TTC6: variants seen among roughly 807,000 people sequenced by gnomAD.
The protein encoded by TTC6 is tetratricopeptide repeat protein 6.
A neutral mutation model predicts 210.4 loss-of-function variants in TTC6; 172 were observed. That is an observed-to-expected ratio of 0.82 (90% CI 0.72 to 0.93). TTC6 has a LOEUF of 0.93. Ranked by LOEUF, TTC6 falls within the 40% of genes least tolerant of loss-of-function variation. The pLI, the probability that TTC6 is intolerant of heterozygous loss-of-function variation, is 0.00. For synonymous variants in TTC6, 804 were observed against 819.6 expected (o/e 0.98, Z 0.32); for missense variants, 2,414 against 2,318.1 (o/e 1.04, Z -0.85).
chr14:37,708,285 G>A (rs556464049), intron 5 of TTC6, among the ~76,000 whole-genome samples: 1 of 151,998 alleles, frequency 6.6e-6, no homozygotes, highest in South Asian at 2.1e-4. Flanking sequence ...TTATTTGAAA[G>A]ATTTTATCCA....
chr14:37,713,168 A>G (rs2095847274), intron 5 of TTC6, among the ~76,000 whole-genome samples: 1 of 152,196 alleles, frequency 6.6e-6, no homozygotes, highest in Admixed American at 6.5e-5. Flanking sequence ...CAAACCAGTA[A>G]AAAACACAAC....
chr14:37,599,181 C>T (rs1187881479), intron 1 of TTC6, among the ~76,000 whole-genome samples: 3 of 152,182 alleles, frequency 2.0e-5, no homozygotes, highest in African/African-American at 7.2e-5. Context: ...TGCGGTCCCC[C>T]GCGAGAGAGA....
intron 1 of TTC6, among the ~76,000 whole-genome samples, chr14:37,632,870 C>T (rs760821723): frequency 1.3e-5 from 2 of 152,194 alleles, no homozygotes; most frequent in African/African-American, 4.8e-5. Flanking sequence ...GTGGTGGGCT[C>T]TGCCCAGTTC....
chr14:37,682,932 GATT>G, exon 3 of TTC6: 1 of 1,535,526 alleles, frequency 6.5e-7, no homozygotes, highest in South Asian at 1.2e-5. Context: ...GCCCACAAGT[GATT>G]CAAAAGAAGC....
chr14:37,812,552 G>T, intron 25 of TTC6, 119 bp downstream of exon 27: 3 of 1,001,886 alleles, frequency 3.0e-6, no homozygotes, highest in Non-Finnish European at 4.2e-6. Flanking sequence ...ACTTTAGCAA[G>T]AATTCTATTA....
intron 17 of TTC6, among the ~76,000 whole-genome samples, chr14:37,793,260 C>G (rs1465249957): frequency 6.6e-6 from 1 of 152,154 alleles, no homozygotes; most frequent in Non-Finnish European, 1.5e-5. Context: ...TGCAAGACCC[C>G]ACAGGAGCTA....
chr14:37,721,216 A>C (rs1409395247), intron 6 of TTC6, among the ~76,000 whole-genome samples: 1 of 152,064 alleles, frequency 6.6e-6, no homozygotes, highest in Non-Finnish European at 1.5e-5. Flanking sequence ...TTCATACTTT[A>C]TTATGTTAAA....
At chr14:37,735,990 C>T (rs994182780) in exon 8 of TTC6, 2 of 1,530,774 alleles carry the variant, frequency 1.3e-6, no homozygotes, top group East Asian at 4.9e-5. Context: ...TTTACATCAA[C>T]ATAGCAGAAC....
At chr14:37,804,349 G>T (rs1413209841) in intron 20 of TTC6, among the ~76,000 whole-genome samples, 1 of 152,158 alleles carries the variant, frequency 6.6e-6, no homozygotes, top group Admixed American at 6.5e-5. Flanking sequence ...CAATAAACTT[G>T]TTCATAAATT....
chr14:37,756,449 G>A (rs1595205889), intron 14 of TTC6, among the ~76,000 whole-genome samples: 1 of 152,150 alleles, frequency 6.6e-6, no homozygotes, highest in South Asian at 2.1e-4. Context: ...AATGCTTCCA[G>A]CATTTGGCCA....
chr14:37,761,001 G>A (rs1341657413), intron 14 of TTC6, among the ~76,000 whole-genome samples: 1 of 152,126 alleles, frequency 6.6e-6, no homozygotes, highest in Non-Finnish European at 1.5e-5. Flanking sequence ...CCTGGCTTCA[G>A]CCCCCTTTCC....
chr14:37,770,813 A>G (rs547399046), intron 14 of TTC6, among the ~76,000 whole-genome samples: 1 of 147,822 alleles, frequency 6.8e-6, no homozygotes, highest in African/African-American at 2.5e-5. Flanking sequence ...ATTTAAAGTT[A>G]ATATTGTTAT....
At chr14:37,783,042 G>T (rs2096059126) in intron 14 of TTC6, among the ~76,000 whole-genome samples, 1 of 152,118 alleles carries the variant, frequency 6.6e-6, no homozygotes, top group Admixed American at 6.6e-5. Flanking sequence ...GTATTTTATT[G>T]AGGACTTTTG....
Position 37,716,624 on chromosome 14 carries a change from G to A in TTC6, c.1713+1828G>A, listed in dbSNP as rs79812384. ...TATAATAAAAGTGTCAGCACATCAA[G>A]AAGACATGCCAGTCTTAAAAAATAT... is the stretch of plus-strand genomic sequence containing the variant. On this transcript the variant is annotated intron_variant, in intron 6 of 30. Coordinates refer to ENST00000553443, the Ensembl canonical transcript of TTC6. Among the ~76,000 whole-genome samples the A allele has an allele frequency of 6.4e-4, 97 of 152,218 alleles. No individual in the cohort carries two copies. The East Asian group carries it at 0.018, about 28-fold the overall frequency.
intron 1 of TTC6, among the ~76,000 whole-genome samples, chr14:37,627,638 CT>C (rs1215084081): frequency 1.3e-5 from 2 of 152,150 alleles, no homozygotes; most frequent in Non-Finnish European, 2.9e-5. Context: ...TGAACTCATC[CT>C]TTTTTATGGC....
intron 13 of TTC6, among the ~76,000 whole-genome samples, chr14:37,752,015 T>A (rs746074204): frequency 3.3e-5 from 5 of 151,672 alleles, no homozygotes; most frequent in Non-Finnish European, 4.4e-5. Flanking sequence ...TTAGTAGAGA[T>A]GGGGTTTCAC....
Position 37,598,360 on chromosome 14 carries a change from C to A in TTC6, c.-235+2352C>A, listed in dbSNP as rs2095608535. On this transcript the variant is annotated intron_variant, in intron 1 of 2. Transcript: ENST00000556845. The surrounding 1 kb of genome is among the most constrained non-coding windows in gnomAD (Gnocchi z 4.9). ...GGGGCGGTCCAGGTCGCGGGGAGGG[C>A]GGGCTCCTCAAGTGGGGGATCCGCG... Among the ~76,000 whole-genome samples, 1 of 152,066 alleles carries A rather than the reference C, an allele frequency of 6.6e-6. No homozygotes were observed. Among genetic ancestry groups the A allele is most frequent in the Non-Finnish European group, 1.5e-5 (1 of 68,010 alleles).
chr14:37,725,495 C>T (rs550160125), intron 7 of TTC6, among the ~76,000 whole-genome samples: 95 of 151,240 alleles, frequency 6.3e-4, no homozygotes, highest in Middle Eastern at 6.8e-3. Flanking sequence ...GGATTACAGG[C>T]ATGTGCCACC....
chr14:37,652,406 A>G (rs2139428315), intron 1 of TTC6, among the ~76,000 whole-genome samples: 1 of 152,262 alleles, frequency 6.6e-6, no homozygotes, highest in African/African-American at 2.4e-5. Flanking sequence ...ATGAATGTTT[A>G]TATGAGGAGA....
Sources: allele counts gnomAD v4.1 joint callset (sites outside exome capture counted in the v4.1 genomes callset), GRCh38; gene constraint gnomAD v4.1.1; non-coding constraint Gnocchi (gnomAD v3.1); transcripts MANE v1.5; gene names NCBI Gene and HGNC (gene_info 2026-07-23, HGNC 2026-07-21).